The following PDLIM4 variants were observed in gnomAD, a reference collection of about 807,000 sequenced individuals.
The protein encoded by PDLIM4 is PDZ and LIM domain 4, also known as PDZ and LIM domain protein 4.
A neutral mutation model predicts 31.3 loss-of-function variants in PDLIM4; 19 were observed. The ratio of observed to expected loss-of-function variants is 0.61; its 90% CI spans 0.42 to 0.89. The LOEUF (loss-of-function observed/expected upper bound fraction) is 0.89, where lower values mean the gene tolerates loss of function less well. Ranked by LOEUF, PDLIM4 falls within the 40% of genes least tolerant of loss-of-function variation. The pLI, the probability that PDLIM4 is intolerant of heterozygous loss-of-function variation, is 0.00. For missense variants in PDLIM4, 442 were observed against 461.1 expected (o/e 0.96, Z 0.38); for synonymous variants, 176 against 190.1 (o/e 0.93, Z 0.61).
chr5:132,270,988 G>A lies in PDLIM4; in HGVS notation c.401G>A (p.Gly134Glu). The change falls in exon 4 of 7, where the codon GGA becomes GAA. Residue 134 changes from glycine to glutamate, a missense_variant. Coordinates refer to ENST00000253754, the MANE Select transcript of PDLIM4 (RefSeq NM_003687.4). ...TGPEDGRPSL[G>E]SPYGQPPRFP... ...CCAGAAGATGGCAGACCAAGCCTGG[G>A]ATCTCCATATGGACAACCCCCTCGC... 6.2e-7 allele frequency: 1 copy of A among 1,614,118 alleles called. No homozygotes were observed. Among genetic ancestry groups the A allele is most frequent in the East Asian group, 2.2e-5 (1 of 44,882 alleles).
Position 132,257,851 on chromosome 5 carries a change from GCAGGGCGGTCC to G in PDLIM4, c.93+27_93+37del. On this transcript the variant is annotated intron_variant, in intron 1 of 6. Coordinates refer to ENST00000253754, the MANE Select transcript of PDLIM4 (RefSeq NM_003687.4). This position sits in a 1 kb window ranked among gnomAD's most constrained non-coding sequence, Gnocchi z 4.3. ...GGGTGAGTCTGGCGGCTGCGTGGCG[GCAGGGCGGTCC>G]CATGTCTGAGACCGGGTTCTCGCGG... 7.3e-7 allele frequency: 1 copy of G among 1,362,322 alleles called. No homozygotes were observed. Among genetic ancestry groups the G allele is most frequent in the East Asian group, 3.0e-5 (1 of 33,108 alleles). 84.4% of individuals were successfully genotyped at this position (1,362,322 alleles called of 1,614,324 possible).
chr5:132,269,158 G>T (rs998061868), intron 3 of PDLIM4, among the ~76,000 whole-genome samples: 10 of 152,172 alleles, frequency 6.6e-5, no homozygotes, highest in Admixed American at 5.2e-4. Flanking sequence ...GTAGCCATGT[G>T]TGTCCTAGCC....
intron 3 of PDLIM4, among the ~76,000 whole-genome samples, chr5:132,268,377 TAGCTGGAGCC>T (rs1172635963): frequency 6.6e-6 from 1 of 152,100 alleles, no homozygotes; most frequent in Non-Finnish European, 1.5e-5. Context: ...GGGGTGGAGC[TAGCTGGAGCC>T]ATCGAGGAGG....
At chr5:132,268,799 T>G (rs1040414258) in intron 3 of PDLIM4, among the ~76,000 whole-genome samples, 3 of 152,068 alleles carry the variant, frequency 2.0e-5, no homozygotes, top group Non-Finnish European at 4.4e-5. Context: ...CCAAGTTGAG[T>G]GTCCCAAAGC....
rs900436554 is a variant in PDLIM4 at position 132,272,824 on chromosome 5, G to C, written c.*595G>C. 7.1e-5 allele frequency: 11 copies of C among 154,888 alleles called. No individual in the cohort carries two copies. Among genetic ancestry groups the C allele is most frequent in the African/African-American group, 2.7e-4 (11 of 41,420 alleles). 9.6% of individuals were successfully genotyped at this position (154,888 alleles called of 1,614,324 possible). A position where few individuals can be genotyped will look rare whatever the true frequency, so the allele number is the denominator to read the frequency against. On this transcript the variant is annotated 3_prime_UTR_variant, in exon 7 of 7. Coordinates refer to ENST00000253754, the MANE Select transcript of PDLIM4 (RefSeq NM_003687.4). ...GCGGGCCGTCTGCACTTCTGTTCCA[G>C]GTTTTTCTGGCATTTTCTGTTCCAG...
At position 132,272,179 on chromosome 5, in the gene PDLIM4, G is replaced by T; in HGVS notation, c.943G>T (p.Gly315Cys). Residue 315 changes from glycine (G) to cysteine (C), a missense_variant, in exon 7 of 7, where the codon GGC (glycine) becomes TGC (cysteine). Transcript: ENST00000253754. ...HAKARVKPPE[G>C]YDVVAVYPNA... ...CAAGGCGCGCGTGAAGCCGCCCGAG[G>T]GCTACGACGTGGTGGCGGTGTACCC... 1.9e-6 allele frequency: 3 copies of T among 1,614,232 alleles called. No individual in the cohort carries two copies. The highest frequency in any genetic ancestry group is 2.5e-6 in the Non-Finnish European group (3 of 1,180,046).
intron 3 of PDLIM4, among the ~76,000 whole-genome samples, chr5:132,269,752 AGAG>A (rs1756565804): frequency 6.6e-6 from 1 of 152,182 alleles, no homozygotes; most frequent in Non-Finnish European, 1.5e-5. Flanking sequence ...ACTGTAGAGC[AGAG>A]GAGGTTTACA....
chr5:132,271,551 C>T (rs1017431672), intron 5 of PDLIM4, 85 bp downstream of exon 5: 2 of 1,376,834 alleles, frequency 1.5e-6, no homozygotes, highest in African/African-American at 1.4e-5. Context: ...CGTCCCGCCT[C>T]GCAGTCACCT....
At chr5:132,265,494 G>T (rs1236919780) in intron 2 of PDLIM4, among the ~76,000 whole-genome samples, 1 of 152,200 alleles carries the variant, frequency 6.6e-6, no homozygotes, top group Non-Finnish European at 1.5e-5. Context: ...CCAAAGGCCT[G>T]GAGTAGAGAG....
In PDLIM4 at chr5:132,270,953, C is replaced by A; in HGVS notation, c.366C>A (p.Thr122=). The A allele has an allele frequency of 2.5e-6, 4 of 1,614,112 alleles. No individual in the cohort carries two copies. In the South Asian group the frequency reaches 4.4e-5, roughly 18 times the overall value. The change falls in exon 4 of 7, where the codon ACC becomes ACA. Residue 122 remains threonine (T), a synonymous_variant. Transcript: ENST00000253754. Reference sequence around the variant, plus strand: ...CAACCAGCAGGCGGCCCTCAGGCACCGGGACTGGGCCAGAAGATGGCAGAC... The same window carrying A: ...CAACCAGCAGGCGGCCCTCAGGCACAGGGACTGGGCCAGAAGATGGCAGAC... ...SPTTSRRPSG[T]GTGPEDGRPS...
intron 5 of PDLIM4, 89 bp from the exon 6 acceptor site, chr5:132,271,683 CCCCAGTCTCGGGTGCCGAT>C (rs1561524144): frequency 3.0e-6 from 3 of 991,578 alleles, no homozygotes; most frequent in Non-Finnish European, 3.3e-6. Context: ...CAAACCCGTT[CCCCAGTCTCGGGTGCCGAT>C]GGCCCGTCTG....
intron 2 of PDLIM4, among the ~76,000 whole-genome samples, chr5:132,263,946 C>G (rs1387934457): frequency 2.0e-5 from 3 of 152,208 alleles, no homozygotes; most frequent in African/African-American, 7.2e-5. Context: ...GGTTTCCTTT[C>G]CCATTAACGG....
In PDLIM4 at chr5:132,271,313, G is replaced by A. The variant is rs763442131; in HGVS notation, c.517G>A (p.Ala173Thr). The change falls in exon 5 of 7, where the codon GCC becomes ACC. Residue 173 changes from alanine to threonine, a missense_variant. Coordinates refer to ENST00000253754, the MANE Select transcript of PDLIM4 (RefSeq NM_003687.4). The stretch of plus-strand genomic sequence containing the variant: ...CTTTCTCCCTCCCAGCGCTGACCCA[G>A]CCAGAGGCCTCCCGCGGAGCCGGGA... ...HVSPPPSADP[A>T]RGLPRSRDCR... 3.1e-5 allele frequency: 49 copies of A among 1,596,100 alleles called. No homozygotes were observed. The highest frequency in any genetic ancestry group is 1.0e-4 in the Admixed American group (6 of 59,772).
At position 132,269,120 on chromosome 5, in the gene PDLIM4, T is replaced by C. The variant is rs181417053; in HGVS notation, c.328-1795T>C. ...TGAAGAGACTTGCCCAGTTAGGGGA[T>C]AACCCTGGGACTCAAACTAAAACTG... On this transcript the variant is annotated intron_variant, in intron 3 of 6. Transcript: ENST00000253754. Among the ~76,000 whole-genome samples, 278 of 152,246 alleles carry C rather than the reference T, an allele frequency of 1.8e-3. 1 individual carries two copies. Among genetic ancestry groups the C allele is most frequent in the African/African-American group, 6.1e-3 (252 of 41,536 alleles).
At chr5:132,266,284 T>C (rs1756490083) in intron 2 of PDLIM4, among the ~76,000 whole-genome samples, 180 bp from the exon 3 acceptor site, 1 of 152,208 alleles carries the variant, frequency 6.6e-6, no homozygotes, top group South Asian at 2.1e-4. Flanking sequence ...CCCAGGAGGA[T>C]GGCAGCTAGA....
At chr5:132,263,965 C>T (rs537244515) in intron 2 of PDLIM4, among the ~76,000 whole-genome samples, 355 of 152,328 alleles carry the variant, frequency 2.3e-3, no homozygotes, top group Non-Finnish European at 4.3e-3. Context: ...GGATCACATT[C>T]ATCACCCTCC....
intron 3 of PDLIM4, 82 bp from the exon 4 acceptor site, chr5:132,270,833 G>A: frequency 1.6e-6 from 2 of 1,278,914 alleles, no homozygotes; most frequent in Non-Finnish European, 2.3e-6. Context: ...ACCTGGCACA[G>A]CACAGCAGGG....
intron 2 of PDLIM4, among the ~76,000 whole-genome samples, chr5:132,265,044 C>T (rs1017134743): frequency 6.6e-6 from 1 of 152,164 alleles, no homozygotes; most frequent in African/African-American, 2.4e-5. Context: ...TCTATAGGTC[C>T]AGGACCTTTC....
intron 4 of PDLIM4, 36 bp from the exon 5 acceptor site, chr5:132,271,267 G>T: frequency 6.4e-7 from 1 of 1,567,834 alleles, no homozygotes; most frequent in South Asian, 1.2e-5. Flanking sequence ...GGCTGGAACT[G>T]CATCCCTTCC....
Sources: gnomAD v4.1 joint callset for allele counts (sites outside exome capture counted in the v4.1 genomes callset) on GRCh38, gnomAD v4.1.1 for gene constraint, Gnocchi (gnomAD v3.1) non-coding constraint, MANE v1.5 for transcripts, NCBI Gene and HGNC (gene_info 2026-07-23, HGNC 2026-07-21) for gene names.